The following ARHGAP15 variants were observed in gnomAD, a reference collection of about 807,000 sequenced individuals.
The protein encoded by ARHGAP15 is rho GTPase-activating protein 15.
In ARHGAP15, 51 loss-of-function variants were observed where a neutral mutation model predicts 63.7. The observed-to-expected ratio is 0.80, with a 90% CI of 0.64 to 1.01. The LOEUF (loss-of-function observed/expected upper bound fraction) is 1.01. Among genes scored for constraint, ARHGAP15 ranks in the 50% least tolerant of loss-of-function variants. ARHGAP15 has a pLI of 0.00. For synonymous variants in ARHGAP15, 191 were observed against 193.8 expected (o/e 0.99, Z 0.12); for missense variants, 560 against 564.6 (o/e 0.99, Z 0.08).
intron 12 of ARHGAP15, among the ~76,000 whole-genome samples, chr2:143,678,213 G>A (rs897586851): frequency 5.2e-4 from 79 of 151,948 alleles, no homozygotes; most frequent in African/African-American, 1.7e-3. Context: ...CCCCGTCTCC[G>A]AAAGAAAAAG....
chr2:143,719,505 T>C (rs1684956153), intron 13 of ARHGAP15, among the ~76,000 whole-genome samples: 1 of 152,248 alleles, frequency 6.6e-6, no homozygotes, highest in Admixed American at 6.5e-5. Context: ...AGCACAACTC[T>C]GCCCTTGCAA....
chr2:143,639,212 A>G (rs1340772897), intron 12 of ARHGAP15, among the ~76,000 whole-genome samples: 1 of 152,174 alleles, frequency 6.6e-6, no homozygotes, highest in African/African-American at 2.4e-5. Flanking sequence ...TAAAAACTAC[A>G]ATGGGAGGAA....
At chr2:143,601,301 C>A (rs1000244737) in intron 11 of ARHGAP15, among the ~76,000 whole-genome samples, 1 of 152,180 alleles carries the variant, frequency 6.6e-6, no homozygotes, top group Non-Finnish European at 1.5e-5. Flanking sequence ...CTTTATCTTG[C>A]TTAATCTTAG....
At chr2:143,507,680 C>G (rs999800590) in intron 9 of ARHGAP15, among the ~76,000 whole-genome samples, 2 of 152,132 alleles carry the variant, frequency 1.3e-5, no homozygotes, top group African/African-American at 4.8e-5. Flanking sequence ...GATTTCATGT[C>G]TTTTGGGGTG....
At chr2:143,205,715 C>T (rs1185277570) in intron 3 of ARHGAP15, among the ~76,000 whole-genome samples, 1 of 152,050 alleles carries the variant, frequency 6.6e-6, no homozygotes, top group African/African-American at 2.4e-5. Flanking sequence ...TCCCTCTTTC[C>T]ATTGAGCCCA....
intron 5 of ARHGAP15, among the ~76,000 whole-genome samples, chr2:143,231,061 T>C (rs1054738074): frequency 6.7e-6 from 1 of 149,616 alleles, no homozygotes; most frequent in Non-Finnish European, 1.5e-5. Context: ...CTCTAGGGGA[T>C]GTAATTCCTT....
At chr2:143,458,864 A>G (rs753179820) in intron 8 of ARHGAP15, among the ~76,000 whole-genome samples, 2 of 152,202 alleles carry the variant, frequency 1.3e-5, no homozygotes, top group Non-Finnish European at 2.9e-5. Context: ...GAGGTAATAT[A>G]TGTAAAAAAT....
chr2:143,432,934 C>T (rs1689450429), intron 6 of ARHGAP15, among the ~76,000 whole-genome samples: 1 of 151,948 alleles, frequency 6.6e-6, no homozygotes, highest in South Asian at 2.1e-4. Flanking sequence ...TCCTTCATCC[C>T]CTTACCCCAG....
chr2:143,653,087 A>G (rs1171700823), intron 12 of ARHGAP15, among the ~76,000 whole-genome samples: 1 of 152,084 alleles, frequency 6.6e-6, no homozygotes, highest in Non-Finnish European at 1.5e-5. Context: ...TTAATCACAA[A>G]TAGATGCTGG....
intron 11 of ARHGAP15, among the ~76,000 whole-genome samples, chr2:143,615,322 T>C (rs1429587199): frequency 6.6e-6 from 1 of 152,176 alleles, no homozygotes; most frequent in Non-Finnish European, 1.5e-5. Flanking sequence ...GAAGAAATAC[T>C]TCCAGACAGA....
chr2:143,318,619 A>G (rs1227536628), intron 6 of ARHGAP15, among the ~76,000 whole-genome samples: 1 of 147,332 alleles, frequency 6.8e-6, no homozygotes, highest in South Asian at 2.2e-4. Context: ...GCTTACAGGC[A>G]CAAGTCTTTT....
At chr2:143,305,136 A>G (rs948531955) in intron 6 of ARHGAP15, among the ~76,000 whole-genome samples, 1 of 152,140 alleles carries the variant, frequency 6.6e-6, no homozygotes, top group Non-Finnish European at 1.5e-5. Context: ...CCATTGGAAT[A>G]CTATGCAGCC....
chr2:143,537,888 TAAAGC>T (rs1694853746), intron 10 of ARHGAP15, among the ~76,000 whole-genome samples: 2 of 151,576 alleles, frequency 1.3e-5, no homozygotes, highest in Non-Finnish European at 3.0e-5. Context: ...ATATGAACTT[TAAAGC>T]AGTTTTTTCC....
At chr2:143,625,412 C>G (rs1698797446) in intron 12 of ARHGAP15, among the ~76,000 whole-genome samples, 1 of 152,112 alleles carries the variant, frequency 6.6e-6, no homozygotes, top group African/African-American at 2.4e-5. Context: ...AAATTTCTCT[C>G]CCAAGGTCTT....
intron 12 of ARHGAP15, among the ~76,000 whole-genome samples, chr2:143,628,129 T>C (rs1420276435): frequency 1.3e-5 from 2 of 152,156 alleles, no homozygotes; most frequent in Non-Finnish European, 2.9e-5. Flanking sequence ...GGCCTCCAGC[T>C]GTATCCATGT....
At chr2:143,475,380 G>T (rs1691764261) in intron 8 of ARHGAP15, among the ~76,000 whole-genome samples, 1 of 152,336 alleles carries the variant, frequency 6.6e-6, no homozygotes, top group African/African-American at 2.4e-5. Context: ...CACTTCCTGT[G>T]GGGGAGGGCA....
At chr2:143,542,314 C>T (rs1051872086) in intron 10 of ARHGAP15, among the ~76,000 whole-genome samples, 1 of 152,160 alleles carries the variant, frequency 6.6e-6, no homozygotes, top group African/African-American at 2.4e-5. Context: ...TCCCTGACCC[C>T]TTGCACTTCC....
chr2:143,389,916 C>T (rs1276991160), intron 6 of ARHGAP15, among the ~76,000 whole-genome samples: 1 of 151,730 alleles, frequency 6.6e-6, no homozygotes, highest in Non-Finnish European at 1.5e-5. Flanking sequence ...TGGCCCTACT[C>T]CTTTTGTTTG....
At position 143,329,726 on chromosome 2, in the gene ARHGAP15, A is replaced by G. The variant is rs113832350; in HGVS notation, c.474+79126A>G. Among the ~76,000 whole-genome samples the G allele has an allele frequency of 2.2e-3, 342 of 152,288 alleles. 3 individuals are homozygous for G. The highest frequency in any genetic ancestry group is 7.8e-3 in the African/African-American group (325 of 41,542). On this transcript the variant is annotated intron_variant, in intron 6 of 13. Coordinates refer to ENST00000295095, the MANE Select transcript of ARHGAP15 (RefSeq NM_018460.4). The stretch of plus-strand genomic sequence containing the variant: ...AATGCACTATAAAACTTGTCAATTT[A>G]TGTAGAAATTATATACACATACACA...
Sources: gnomAD v4.1 joint callset for allele counts (sites outside exome capture counted in the v4.1 genomes callset) on GRCh38, gnomAD v4.1.1 for gene constraint, MANE v1.5 for transcripts, NCBI Gene and HGNC (gene_info 2026-07-23, HGNC 2026-07-21) for gene names.